MAGOHB: variants seen among roughly 807,000 people sequenced by gnomAD.
MAGOHB encodes protein mago nashi homolog 2.
MAGOHB carries 15 observed loss-of-function variants against 20.9 expected under a neutral mutation model. The observed-to-expected ratio is 0.72, with a 90% CI of 0.48 to 1.11. The LOEUF (loss-of-function observed/expected upper bound fraction) is 1.11. Ranked by LOEUF, MAGOHB falls within the 50% of genes least tolerant of loss-of-function variation. The probability of loss-of-function intolerance (pLI) is 0.00; values close to 1 mark genes in which losing one functional copy is unlikely to be tolerated. For synonymous variants in MAGOHB, 50 were observed against 57.9 expected, an observed-to-expected ratio of 0.86 and a Z score of 0.62; for missense variants, 162 against 177.6, an observed-to-expected ratio of 0.91 and a Z score of 0.50.
chr12:10,609,691 A>C, intron 3 of MAGOHB, 140 bp downstream of exon 3: 1 of 614,644 alleles, frequency 1.6e-6, no homozygotes, highest in Non-Finnish European at 2.8e-6. Flanking sequence ...TAAGAGATAA[A>C]ATTAAAGAGA....
At chr12:10,612,162 C>A (rs1046092981) in intron 1 of MAGOHB, among the ~76,000 whole-genome samples, 9 of 151,938 alleles carry the variant, frequency 5.9e-5, no homozygotes, top group Admixed American at 1.3e-4. Flanking sequence ...CCAGCCTGGG[C>A]AACATGGGGA....
At chr12:10,602,066 T>A (rs1865559498), downstream of MAGOHB, among the ~76,000 whole-genome samples, 1 of 152,230 alleles carries the variant, frequency 6.6e-6, no homozygotes, top group African/African-American at 2.4e-5. Context: ...AGATAGATAC[T>A]GGTTATGTTG....
At chr12:10,601,872 A>G (rs1865558322), downstream of MAGOHB, among the ~76,000 whole-genome samples, 1 of 152,208 alleles carries the variant, frequency 6.6e-6, no homozygotes, top group African/African-American at 2.4e-5. Flanking sequence ...AAAATAAGTA[A>G]CTGTTTTCTT....
chr12:10,611,771 A>AG (rs750427866), intron 1 of MAGOHB, among the ~76,000 whole-genome samples: 1,659 of 93,028 alleles, frequency 0.018, 170 homozygotes, highest in African/African-American at 0.048. Flanking sequence ...AAAAAAAAAA[A>AG]AAAAGAAAAG....
Position 10,609,921 on chromosome 12 carries a change from T to C in MAGOHB, c.174A>G (p.Val58=), listed in dbSNP as rs755893338. Residue 58 remains valine, a synonymous_variant, in exon 3 of 5, where the codon GTA becomes GTG. Transcript: ENST00000320756. ...CAATAATTCTCTTCAGTTCTTCCAT[T>C]ACACTCTTGTGCACATAAGCCTAAA... ...IRKEAYVHKS[V]MEELKRIIDD... is the part of the protein sequence containing the mutation. 3.1e-6 allele frequency: 5 copies of C among 1,608,196 alleles called. No individual in the cohort carries two copies. In the East Asian group the frequency reaches 8.9e-5, roughly 29 times the overall value.
chr12:10,607,211 T>C (rs1211597006), intron 4 of MAGOHB, among the ~76,000 whole-genome samples: 1 of 152,220 alleles, frequency 6.6e-6, no homozygotes, highest in Admixed American at 6.5e-5. Context: ...GGCACTATGC[T>C]AACTCTGTGG....
downstream of MAGOHB, among the ~76,000 whole-genome samples, chr12:10,602,784 T>G (rs554174624): frequency 1.3e-5 from 2 of 152,206 alleles, no homozygotes; most frequent in South Asian, 4.1e-4. Context: ...TACCGTTAGC[T>G]AGAAGCTTAG....
In MAGOHB at chr12:10,604,824, T is replaced by C. The variant is rs1335615854; in HGVS notation, c.*1451A>G. 1.3e-5 allele frequency: 2 copies of C among 152,138 alleles called. No individual in the cohort carries two copies. Among genetic ancestry groups the C allele is most frequent in the South Asian group, 2.1e-4 (1 of 4,824 alleles). The allele number at this position is 152,138 out of a possible 1,614,324, so 9.4% of individuals were successfully genotyped here. ...AACCTGAAGACAATGGGCATGCATTTTGAGGAGTGAAAAGGACCATCTAGT... is the reference window on the plus strand; with the variant it reads ...AACCTGAAGACAATGGGCATGCATTCTGAGGAGTGAAAAGGACCATCTAGT... On this transcript the variant is annotated 3_prime_UTR_variant, in exon 5 of 5. Transcript: ENST00000320756.
At chr12:10,611,363 C>G (rs1312848398) in intron 1 of MAGOHB, among the ~76,000 whole-genome samples, 2 of 152,116 alleles carry the variant, frequency 1.3e-5, no homozygotes, top group Admixed American at 6.5e-5. Context: ...GCTGTATTAT[C>G]TGATGTATGC....
At chr12:10,611,418 C>A (rs1405038073) in intron 1 of MAGOHB, among the ~76,000 whole-genome samples, 7 of 151,982 alleles carry the variant, frequency 4.6e-5, no homozygotes, top group Non-Finnish European at 8.8e-5. Flanking sequence ...CTATAATGTG[C>A]AACAGGTACT....
intron 1 of MAGOHB, 62 bp from the exon 2 acceptor site, chr12:10,610,742 T>C (rs1216486517): frequency 6.8e-7 from 1 of 1,475,400 alleles, no homozygotes; most frequent in East Asian, 2.4e-5. Context: ...ATTAACATCA[T>C]ATACAATTTT....
At chr12:10,609,800 T>C in intron 3 of MAGOHB, 31 bp downstream of exon 3, 5 of 1,319,310 alleles carry the variant, frequency 3.8e-6, no homozygotes, top group Non-Finnish European at 5.4e-6. Context: ...TTTTTAATAT[T>C]TATACACTTA....
intron 3 of MAGOHB, chr12:10,609,400 G>A (rs1223019329): frequency 4.5e-6 from 2 of 444,810 alleles, no homozygotes; most frequent in Non-Finnish European, 4.5e-6. Flanking sequence ...GAATATGAGA[G>A]GGAAATGCAA....
intron 3 of MAGOHB, chr12:10,609,104 T>C (rs1016705151): frequency 6.0e-6 from 1 of 166,308 alleles, no homozygotes; most frequent in Admixed American, 6.0e-5. Flanking sequence ...TTACCTTTGC[T>C]TTTCTAAATA....
chr12:10,608,064 G>A (rs376930356), intron 3 of MAGOHB, 128 bp from the exon 4 acceptor site: 193 of 575,888 alleles, frequency 3.4e-4, no homozygotes, highest in African/African-American at 3.1e-3. Flanking sequence ...AGTGGGGGGC[G>A]AGGGGGAAAG....
chr12:10,602,368 C>T (rs74617225), downstream of MAGOHB, among the ~76,000 whole-genome samples: 3,565 of 152,266 alleles, frequency 0.023, 133 homozygotes, highest in African/African-American at 0.081. Flanking sequence ...ATGAAACTGA[C>T]GACGGGAAAG....
chr12:10,604,019 A>G (rs1865581812), downstream of MAGOHB, among the ~76,000 whole-genome samples: 1 of 152,208 alleles, frequency 6.6e-6, no homozygotes, highest in South Asian at 2.1e-4. Flanking sequence ...CCAATGAAAT[A>G]CCAAAGATAA....
downstream of MAGOHB, among the ~76,000 whole-genome samples, chr12:10,601,664 A>G (rs1016463449): frequency 6.6e-6 from 1 of 152,234 alleles, no homozygotes; most frequent in Non-Finnish European, 1.5e-5. Flanking sequence ...AACCTGGCAT[A>G]TATATGGTGG....
chr12:10,600,224 T>C (rs897852175), downstream of MAGOHB, among the ~76,000 whole-genome samples: 3 of 152,058 alleles, frequency 2.0e-5, no homozygotes, highest in East Asian at 3.8e-4. Context: ...ATTTTTTATT[T>C]ATTATTTTCT....
Sources: gnomAD v4.1 joint callset for allele counts (sites outside exome capture counted in the v4.1 genomes callset) on GRCh38, gnomAD v4.1.1 for gene constraint, MANE v1.5 for transcripts, NCBI Gene and HGNC (gene_info 2026-07-23, HGNC 2026-07-21) for gene names.